The following NHSL3 variants were observed in gnomAD, a reference collection of about 807,000 sequenced individuals.
The protein encoded by NHSL3 is NHS like 3, also known as NHS-like protein 3.
chr1:32,757,915 C>T, the NHSL3 span, among the ~76,000 whole-genome samples: 2 of 152,070 alleles, frequency 1.3e-5, no homozygotes, highest in South Asian at 4.1e-4. Flanking sequence ...GGGATTTGGA[C>T]TATGTAAAGA....
chr1:32,755,914 G>A, the NHSL3 span, among the ~76,000 whole-genome samples: 1 of 152,094 alleles, frequency 6.6e-6, no homozygotes, highest in East Asian at 1.9e-4. Context: ...TCTGATGGTC[G>A]CTCGGATCTG....
the NHSL3 span, chr1:32,770,653 C>A: frequency 4.9e-5 from 74 of 1,524,386 alleles, no homozygotes; most frequent in Non-Finnish European, 6.4e-5. The surrounding 1 kb of genome is among the most constrained non-coding windows in gnomAD (Gnocchi z 8.3). Context: ...TGTGTCCCTG[C>A]GTAAGCTGAA....
the NHSL3 span, among the ~76,000 whole-genome samples, chr1:32,749,109 C>A: frequency 1.3e-5 from 2 of 152,116 alleles, no homozygotes; most frequent in Admixed American, 6.6e-5. Context: ...ACAAGTGTGA[C>A]AAGGGGAAGC....
At chr1:32,771,032 C>A in the NHSL3 span, 1 of 1,611,024 alleles carries the variant, frequency 6.2e-7, no homozygotes, top group Non-Finnish European at 8.5e-7. Flanking sequence ...CGTGTCACGT[C>A]TCTTCGCTCC....
At chr1:32,754,359 G>C in the NHSL3 span, among the ~76,000 whole-genome samples, 1 of 151,566 alleles carries the variant, frequency 6.6e-6, no homozygotes, top group Non-Finnish European at 1.5e-5. Context: ...ATACCTACGG[G>C]CGGGCACACG....
chr1:32,772,297 A>G, the NHSL3 span: 15 of 754,762 alleles, frequency 2.0e-5, no homozygotes, highest in Non-Finnish European at 2.9e-5. Context: ...CGCCTCCCCC[A>G]GTTACCCTCG....
At chr1:32,770,499 C>A in the NHSL3 span, 13 of 1,566,766 alleles carry the variant, frequency 8.3e-6, no homozygotes, top group African/African-American at 1.8e-4. The surrounding 1 kb of genome is among the most constrained non-coding windows in gnomAD (Gnocchi z 8.3). Context: ...GCTCTGAGGG[C>A]CAGCCGGAGA....
the NHSL3 span, chr1:32,754,150 C>A: frequency 2.8e-6 from 2 of 709,938 alleles, no homozygotes; most frequent in Admixed American, 2.0e-5. Flanking sequence ...CAGCTTCTGG[C>A]GGTTCGGGCG....
the NHSL3 span, chr1:32,772,961 C>T: frequency 1.3e-5 from 18 of 1,434,830 alleles, no homozygotes; most frequent in African/African-American, 2.8e-5. Flanking sequence ...GCTCCAAGGA[C>T]GAGAGGATAC....
At chr1:32,766,908 A>C in the NHSL3 span, among the ~76,000 whole-genome samples, 1 of 152,238 alleles carries the variant, frequency 6.6e-6, no homozygotes, top group Non-Finnish European at 1.5e-5. Flanking sequence ...GGCCAGGGCC[A>C]GGGCCAGGGC....
At chr1:32,769,959 C>T in the NHSL3 span, 22 of 1,606,422 alleles carry the variant, frequency 1.4e-5, no homozygotes, top group Middle Eastern at 1.6e-4. Context: ...CCACAGTGGA[C>T]GGCCGCCCCC....
the NHSL3 span, among the ~76,000 whole-genome samples, chr1:32,754,973 C>A: frequency 6.6e-6 from 1 of 152,036 alleles, no homozygotes; most frequent in Non-Finnish European, 1.5e-5. Flanking sequence ...CGCATCTCCC[C>A]CTTTCAATGC....
the NHSL3 span, among the ~76,000 whole-genome samples, chr1:32,745,213 G>A: frequency 6.6e-6 from 1 of 151,746 alleles, no homozygotes; most frequent in Non-Finnish European, 1.5e-5. Flanking sequence ...TATAAGTTTA[G>A]TCACCTGAGC....
the NHSL3 span, among the ~76,000 whole-genome samples, chr1:32,753,531 G>A: frequency 6.6e-6 from 1 of 152,108 alleles, no homozygotes; most frequent in African/African-American, 2.4e-5. Context: ...ACACAATTGT[G>A]GATAAAATGA....
At chr1:32,768,196 G>A in the NHSL3 span, 1 of 1,014,468 alleles carries the variant, frequency 9.9e-7, no homozygotes, top group South Asian at 1.3e-5. Flanking sequence ...AACATTTCTG[G>A]GTCTCAGTTT....
the NHSL3 span, chr1:32,768,683 TCTC>T: frequency 1.9e-6 from 3 of 1,614,056 alleles, no homozygotes; most frequent in Non-Finnish European, 2.5e-6. Context: ...GAAGACAACA[TCTC>T]CTTCTGCAGT....
the NHSL3 span, chr1:32,742,268 G>C: frequency 8.3e-7 from 1 of 1,209,698 alleles, no homozygotes; most frequent in Non-Finnish European, 1.0e-6. Flanking sequence ...GGGTCCGCGC[G>C]CGGCGTGTTG....
chr1:32,770,884 C>T, the NHSL3 span: 25 of 1,608,722 alleles, frequency 1.6e-5, no homozygotes, highest in Middle Eastern at 1.6e-4. This position sits in a 1 kb window ranked among gnomAD's most constrained non-coding sequence, Gnocchi z 8.3. Context: ...TGGTTCCCGG[C>T]GCCCCCCACG....
At chr1:32,762,426 G>C in the NHSL3 span, among the ~76,000 whole-genome samples, 1 of 138,266 alleles carries the variant, frequency 7.2e-6, no homozygotes, top group African/African-American at 2.4e-5. Context: ...GAGTTATCAG[G>C]GGAATCTTTT....
Sources: allele counts gnomAD v4.1 joint callset (sites outside exome capture counted in the v4.1 genomes callset), GRCh38; gene constraint gnomAD v4.1.1; non-coding constraint Gnocchi (gnomAD v3.1); transcripts MANE v1.5; gene names NCBI Gene and HGNC (gene_info 2026-07-23, HGNC 2026-07-21).